Variants in FGF14 observed in about 807,000 individuals in gnomAD.
FGF14 encodes fibroblast growth factor 14.
In FGF14, 5 loss-of-function variants were observed where a neutral mutation model predicts 25.5. The observed-to-expected ratio is 0.20, with a 90% CI of 0.10 to 0.41. FGF14 has a LOEUF of 0.41. FGF14 is among the 10% of genes least tolerant of loss of function. The pLI, the probability that FGF14 is intolerant of heterozygous loss-of-function variation, is 1.00. For missense variants in FGF14, 222 were observed against 320.1 expected (o/e 0.69, Z 2.34); for synonymous variants, 138 against 118.3 (o/e 1.17, Z -1.08).
intron 3 of FGF14, among the ~76,000 whole-genome samples, chr13:101,823,037 T>A (rs547644440): frequency 2.0e-5 from 3 of 152,314 alleles, no homozygotes; most frequent in African/African-American, 7.2e-5. Flanking sequence ...ATGCCAAAAT[T>A]TCATTCCTTT....
chr13:102,334,712 G>T (rs1281743563), intron 1 of FGF14, among the ~76,000 whole-genome samples: 1 of 152,158 alleles, frequency 6.6e-6, no homozygotes, highest in Admixed American at 6.5e-5. Flanking sequence ...AACTCAAATA[G>T]AAATAATTTG....
chr13:101,974,969 G>A (rs976746805), intron 1 of FGF14, among the ~76,000 whole-genome samples: 4 of 152,080 alleles, frequency 2.6e-5, no homozygotes, highest in South Asian at 2.1e-4. Context: ...TGAGAAATAC[G>A]CCTAAAGATG....
intron 1 of FGF14, among the ~76,000 whole-genome samples, chr13:102,270,073 G>A (rs1036957397): frequency 6.6e-6 from 1 of 151,916 alleles, no homozygotes; most frequent in Non-Finnish European, 1.5e-5. Context: ...ATTTAAAATA[G>A]AATTAATCTG....
intron 1 of FGF14, among the ~76,000 whole-genome samples, chr13:102,368,460 C>T (rs2057780298): frequency 6.6e-6 from 1 of 152,190 alleles, no homozygotes; most frequent in Non-Finnish European, 1.5e-5. Context: ...TCTTCTCCTT[C>T]TTTCCCTGGA....
At chr13:102,149,452 C>A (rs72665333) in intron 1 of FGF14, among the ~76,000 whole-genome samples, 68 of 152,284 alleles carry the variant, frequency 4.5e-4, no homozygotes, top group Non-Finnish European at 9.3e-4. Flanking sequence ...GAGACAGAGA[C>A]TGAAGACCCT....
intron 1 of FGF14, among the ~76,000 whole-genome samples, chr13:102,148,960 G>A (rs1031471988): frequency 1.3e-5 from 2 of 152,130 alleles, no homozygotes; most frequent in Non-Finnish European, 2.9e-5. Context: ...TGCCGCACAT[G>A]TATACACACA....
chr13:102,274,907 A>G (rs182157107), intron 1 of FGF14, among the ~76,000 whole-genome samples: 1 of 150,932 alleles, frequency 6.6e-6, no homozygotes, highest in Non-Finnish European at 1.5e-5. Flanking sequence ...AATAATAAAT[A>G]ATTATTTATT....
chr13:102,364,748 G>C (rs1264131797), intron 1 of FGF14, among the ~76,000 whole-genome samples: 2 of 152,142 alleles, frequency 1.3e-5, no homozygotes, highest in African/African-American at 4.8e-5. Flanking sequence ...CGCAGCCAGT[G>C]GTCAGAAACC....
chr13:101,830,859 A>C (rs780061725), intron 3 of FGF14, among the ~76,000 whole-genome samples: 3 of 152,018 alleles, frequency 2.0e-5, no homozygotes, highest in Non-Finnish European at 4.4e-5. Flanking sequence ...CCAGCTCTAG[A>C]GGCTGCCTGC....
Position 102,273,086 on chromosome 13 carries a change from A to G in FGF14, c.208+128385T>C, listed in dbSNP as rs147950814. Among the ~76,000 whole-genome samples, 875 of 152,302 alleles carry G rather than the reference A, an allele frequency of 5.7e-3. 7 individuals are homozygous for G. Among genetic ancestry groups the G allele is most frequent in the African/African-American group, 0.02 (823 of 41,562 alleles). On this transcript the variant is annotated intron_variant, in intron 1 of 4. Coordinates refer to the FGF14 transcript ENST00000376131. ...GCTAATTCCAATGTCTGTCCTTAGA[A>G]AAAGGCAAAGACTTTTCCTCTAGTT...
chr13:102,215,362 A>G (rs1018139562), intron 1 of FGF14, among the ~76,000 whole-genome samples: 1 of 152,200 alleles, frequency 6.6e-6, no homozygotes, highest in African/African-American at 2.4e-5. Flanking sequence ...CCAGCTTTTT[A>G]AAAATAATCT....
At chr13:101,980,401 T>C (rs2038177180) in intron 1 of FGF14, among the ~76,000 whole-genome samples, 1 of 151,998 alleles carries the variant, frequency 6.6e-6, no homozygotes. Context: ...AGAGTGTTTT[T>C]AAAAGTCTCT....
chr13:101,923,011 A>T (rs1490997443), intron 1 of FGF14, among the ~76,000 whole-genome samples: 1 of 152,108 alleles, frequency 6.6e-6, no homozygotes, highest in Non-Finnish European at 1.5e-5. Context: ...CAAATTTAAG[A>T]AGCTGTTAAT....
At chr13:101,928,915 C>T (rs2034558715) in intron 1 of FGF14, among the ~76,000 whole-genome samples, 1 of 152,014 alleles carries the variant, frequency 6.6e-6, no homozygotes. Context: ...TTATTAAATG[C>T]TCTGAGTTGG....
chr13:102,043,660 G>T (rs186015883), intron 1 of FGF14, among the ~76,000 whole-genome samples: 1 of 152,226 alleles, frequency 6.6e-6, no homozygotes, highest in Admixed American at 6.5e-5. Flanking sequence ...GCAAAACAGG[G>T]TAAAAGCAAA....
chr13:101,737,837 T>C (rs2036290095), intron 3 of FGF14, among the ~76,000 whole-genome samples: 1 of 152,186 alleles, frequency 6.6e-6, no homozygotes, highest in Non-Finnish European at 1.5e-5. Flanking sequence ...ATATCAAACA[T>C]TTTAATATTA....
rs771790790 is a variant in FGF14, at chr13:102,151,481, A to C, written c.208+249990T>G. On this transcript the variant is annotated intron_variant, in intron 1 of 4. Transcript: ENST00000376131. ...AATGTCAAATCGTATGCTGAGGATG[A>C]GATACCTTCAGTTCCTTTTTGTTTG... Among the ~76,000 whole-genome samples the C allele has an allele frequency of 3.9e-5, 6 of 152,128 alleles. No individual in the cohort carries two copies. In the South Asian group the frequency reaches 8.3e-4, roughly 21 times the overall value.
intron 1 of FGF14, among the ~76,000 whole-genome samples, chr13:101,974,438 A>T (rs753898788): frequency 6.6e-6 from 1 of 152,142 alleles, no homozygotes; most frequent in Non-Finnish European, 1.5e-5. Flanking sequence ...AAACATTTAA[A>T]CTAGCTATAT....
chr13:101,835,513 T>C (rs570824713), intron 3 of FGF14, among the ~76,000 whole-genome samples: 2 of 152,058 alleles, frequency 1.3e-5, no homozygotes, highest in African/African-American at 4.8e-5. Flanking sequence ...ATTGCCAATA[T>C]AGCAGGGTAA....
Sources: allele counts gnomAD v4.1 joint callset (sites outside exome capture counted in the v4.1 genomes callset), GRCh38; gene constraint gnomAD v4.1.1; transcripts MANE v1.5; gene names NCBI Gene and HGNC (gene_info 2026-07-23, HGNC 2026-07-21).